Variants in ATP9B observed in about 807,000 individuals in gnomAD.
ATP9B encodes probable phospholipid-transporting ATPase IIB.
A neutral mutation model predicts 146.1 loss-of-function variants in ATP9B; 110 were observed. The observed-to-expected ratio is 0.75, with a 90% CI of 0.65 to 0.88. The LOEUF (loss-of-function observed/expected upper bound fraction) is 0.88. Ranked by LOEUF, ATP9B falls within the 40% of genes least tolerant of loss-of-function variation. The pLI is 0.00. For synonymous variants in ATP9B, 604 were observed against 569.7 expected, an observed-to-expected ratio of 1.06 and a Z score of -0.86; for missense variants, 1,499 against 1,496.4, an observed-to-expected ratio of 1.00 and a Z score of -0.03.
In ATP9B at chr18:79,126,439, A is replaced by G. The variant is rs2094288519; in HGVS notation, c.667+64A>G. 1.7e-5 allele frequency: 19 copies of G among 1,100,580 alleles called. No individual in the cohort carries two copies. The South Asian group carries it at 2.7e-4, about 15-fold the overall frequency. The allele number at this position is 1,100,580 out of a possible 1,614,324, so 68.2% of individuals were successfully genotyped here. On this transcript the variant is annotated intron_variant, in intron 5 of 29. Transcript: ENST00000426216. The stretch of plus-strand genomic sequence containing the variant: ...CTGTAATTATCATTTTAGAGTTAAC[A>G]TAACAAATGTATGAAAACATTTTAA...
chr18:79,320,176 G>A (rs1408073307), intron 15 of ATP9B, among the ~76,000 whole-genome samples: 2 of 152,198 alleles, frequency 1.3e-5, no homozygotes, highest in South Asian at 2.1e-4. Context: ...GAAATAAGTC[G>A]TTGTGCTTGT....
intron 8 of ATP9B, among the ~76,000 whole-genome samples, chr18:79,177,477 A>G (rs1293369344): frequency 6.6e-6 from 1 of 151,650 alleles, no homozygotes; most frequent in Non-Finnish European, 1.5e-5. Flanking sequence ...TCCTGGTCTC[A>G]AGCAGTCCTC....
At chr18:79,357,440 A>G (rs559635757) in intron 25 of ATP9B, among the ~76,000 whole-genome samples, 12 of 2,404 alleles carry the variant, frequency 5.0e-3, no homozygotes, top group South Asian at 0.038. Context: ...TGTGTGAGGG[A>G]TGCTCTGGGT....
chr18:79,338,119 T>C (rs1386880667), intron 19 of ATP9B, among the ~76,000 whole-genome samples: 1 of 152,246 alleles, frequency 6.6e-6, no homozygotes, highest in African/African-American at 2.4e-5. Flanking sequence ...GTTGAGAATA[T>C]AGAATACTCA....
chr18:79,070,214 G>A (rs563515881), intron 1 of ATP9B, among the ~76,000 whole-genome samples: 6 of 152,270 alleles, frequency 3.9e-5, no homozygotes, highest in African/African-American at 1.4e-4. Context: ...AAAAAGTGTT[G>A]CTTCTTATAG....
intron 5 of ATP9B, among the ~76,000 whole-genome samples, chr18:79,128,685 A>T (rs1273491257): frequency 6.6e-6 from 1 of 152,180 alleles, no homozygotes; most frequent in Non-Finnish European, 1.5e-5. Context: ...CTAGGCAGAG[A>T]TGTTTTTCTG....
intron 12 of ATP9B, among the ~76,000 whole-genome samples, chr18:79,272,010 T>C (rs2096260856): frequency 6.6e-6 from 1 of 152,234 alleles, no homozygotes; most frequent in Non-Finnish European, 1.5e-5. Flanking sequence ...CATTTTTTTG[T>C]GTGTCTTTTG....
intron 6 of ATP9B, chr18:79,146,611 G>A: frequency 3.8e-6 from 1 of 265,908 alleles, no homozygotes; most frequent in Non-Finnish European, 7.4e-6. Context: ...GCGTGTCGGG[G>A]GAGCTGGCGG....
At position 79,359,421 on chromosome 18, in the gene ATP9B, AT is replaced by A; in HGVS notation, c.2972del (p.Met991ArgfsTer28). On this transcript the variant is annotated frameshift_variant, in exon 26 of 30. Transcript: ENST00000426216. LOFTEE classifies it high-confidence loss of function. Reference protein sequence around the residue: ...LVLDQDVKPEMAMLYPELYKD... With the variant: ...LVLDQDVKPEXAMLYPELYKD... ...GCTGGACCAGGACGTGAAGCCAGAG[AT>A]GGCGATGCTCTACCCGGAGCTGTAC... The A allele has an allele frequency of 6.2e-7, 1 of 1,614,030 alleles. No homozygotes were observed. Among genetic ancestry groups the A allele is most frequent in the Non-Finnish European group, 8.5e-7 (1 of 1,179,926 alleles).
intron 25 of ATP9B, 104 bp downstream of exon 25, chr18:79,348,300 A>G (rs2096903312): frequency 1.8e-6 from 2 of 1,119,464 alleles, no homozygotes; most frequent in African/African-American, 1.6e-5. Context: ...TTCTTGATAC[A>G]GTCATCATTT....
At chr18:79,351,301 C>T (rs551320500) in intron 25 of ATP9B, among the ~76,000 whole-genome samples, 111 of 152,308 alleles carry the variant, frequency 7.3e-4, no homozygotes, top group African/African-American at 2.3e-3. Context: ...CCTCACAGCC[C>T]GAGTGCTCTG....
chr18:79,331,112 A>C (rs2096787811), intron 17 of ATP9B, among the ~76,000 whole-genome samples: 1 of 152,198 alleles, frequency 6.6e-6, no homozygotes, highest in Non-Finnish European at 1.5e-5. Flanking sequence ...TTCCAAGTAA[A>C]ATGGAGACTG....
intron 11 of ATP9B, among the ~76,000 whole-genome samples, chr18:79,219,690 G>A (rs113662413): frequency 5.9e-5 from 9 of 151,264 alleles, no homozygotes; most frequent in African/African-American, 1.5e-4. Context: ...CTCTCCTTCC[G>A]TCCTTTTTTC....
intron 2 of ATP9B, among the ~76,000 whole-genome samples, chr18:79,107,965 A>G (rs2075764943): frequency 6.6e-6 from 1 of 152,204 alleles, no homozygotes. Context: ...CGGCATCAGT[A>G]TAGTGTAGTT....
At chr18:79,128,544 G>A (rs2094326228) in intron 5 of ATP9B, among the ~76,000 whole-genome samples, 1 of 152,320 alleles carries the variant, frequency 6.6e-6, no homozygotes, top group African/African-American at 2.4e-5. Context: ...GAGGAAGGAT[G>A]AAGAAGGTAA....
chr18:79,280,043 A>G (rs1256379859), intron 13 of ATP9B, among the ~76,000 whole-genome samples: 2 of 152,254 alleles, frequency 1.3e-5, no homozygotes, highest in East Asian at 1.9e-4. Flanking sequence ...ACAGCATTCT[A>G]ATGGTTAACA....
Position 79,183,838 on chromosome 18 carries a change from T to C in ATP9B, c.873+6931T>C, listed in dbSNP as rs117576767. 3.5e-3 allele frequency among the ~76,000 whole-genome samples: 536 copies of C among 151,466 alleles called. 1 individual carries two copies. The highest frequency in any genetic ancestry group is 0.014 in the Middle Eastern group (4 of 294). On this transcript the variant is annotated intron_variant, in intron 8 of 29. Coordinates refer to ENST00000426216, the MANE Select transcript of ATP9B (RefSeq NM_198531.5). ...AGTAAGTTGCACCAGTACCATTCAC[T>C]GAAGAACTTTTTTGTTAGATTTTTA...
intron 12 of ATP9B, 41 bp from the exon 13 acceptor site, chr18:79,277,013 T>C: frequency 4.3e-6 from 7 of 1,612,224 alleles, no homozygotes; most frequent in Non-Finnish European, 5.9e-6. Flanking sequence ...TGGACATGGC[T>C]CTGGATCACA....
intron 3 of ATP9B, among the ~76,000 whole-genome samples, chr18:79,110,938 T>C (rs2075967330): frequency 2.0e-5 from 3 of 152,218 alleles, no homozygotes; most frequent in Admixed American, 6.5e-5. Context: ...TATACTGAAA[T>C]GATACAGTAA....
Sources: allele counts gnomAD v4.1 joint callset (sites outside exome capture counted in the v4.1 genomes callset), GRCh38; gene constraint gnomAD v4.1.1; transcripts MANE v1.5; gene names NCBI Gene and HGNC (gene_info 2026-07-23, HGNC 2026-07-21).